The following SCN8A variants were observed in gnomAD, a reference collection of about 807,000 sequenced individuals.
The protein encoded by SCN8A is sodium channel protein type 8 subunit alpha.
SCN8A carries 30 observed loss-of-function variants against 184.1 expected under a neutral mutation model. The ratio of observed to expected loss-of-function variants is 0.16; its 90% CI spans 0.12 to 0.22. SCN8A has a LOEUF of 0.22. Ranked by LOEUF, SCN8A falls within the 10% of genes least tolerant of loss-of-function variation. The pLI is 1.00. For synonymous variants in SCN8A, 852 were observed against 907.0 expected, an observed-to-expected ratio of 0.94 and a Z score of 1.09; for missense variants, 1,057 against 2,498.9, an observed-to-expected ratio of 0.42 and a Z score of 12.30.
At chr12:51,710,053 C>A (rs1941848728) in intron 11 of SCN8A, among the ~76,000 whole-genome samples, 1 of 152,020 alleles carries the variant, frequency 6.6e-6, no homozygotes, top group Non-Finnish European at 1.5e-5. Flanking sequence ...GGGAATTAAA[C>A]ATCTTATTGA....
chr12:51,713,655 C>T, intron 11 of SCN8A: 1 of 563,028 alleles, frequency 1.8e-6, no homozygotes, highest in Non-Finnish European at 3.1e-6. Flanking sequence ...TCATCTCCGA[C>T]CTATTTCTCT....
chr12:51,630,961 T>G (rs1449203177), intron 1 of SCN8A, among the ~76,000 whole-genome samples: 3 of 152,212 alleles, frequency 2.0e-5, no homozygotes, highest in Non-Finnish European at 2.9e-5. Flanking sequence ...TACATCTCAT[T>G]GTCACACTTT....
chr12:51,755,950 C>T (rs1024442096), intron 14 of SCN8A, among the ~76,000 whole-genome samples: 2 of 152,024 alleles, frequency 1.3e-5, no homozygotes, highest in African/African-American at 4.8e-5. Flanking sequence ...TCTGGGTGCC[C>T]CCCACCCCTT....
intron 1 of SCN8A, among the ~76,000 whole-genome samples, chr12:51,646,700 A>C (rs1053487656): frequency 2.0e-5 from 3 of 152,234 alleles, no homozygotes; most frequent in Non-Finnish European, 4.4e-5. Flanking sequence ...GAGACTACAA[A>C]GGGTTTTCTG....
chr12:51,749,034 T>C (rs551232037), intron 13 of SCN8A, among the ~76,000 whole-genome samples: 24 of 152,290 alleles, frequency 1.6e-4, no homozygotes, highest in South Asian at 1.2e-3. Context: ...CCACAAACCT[T>C]TGGACATCTC....
chr12:51,706,953 G>T (rs181501348), intron 11 of SCN8A, among the ~76,000 whole-genome samples: 1 of 152,250 alleles, frequency 6.6e-6, no homozygotes, highest in Non-Finnish European at 1.5e-5. Context: ...ACGTATGAGT[G>T]AGAACATGCT....
At chr12:51,750,496 G>A (rs1244629587) in intron 13 of SCN8A, among the ~76,000 whole-genome samples, 1 of 152,146 alleles carries the variant, frequency 6.6e-6, no homozygotes, top group Non-Finnish European at 1.5e-5. Context: ...AGGTGAAAAG[G>A]GGAGAGGAGT....
intron 1 of SCN8A, among the ~76,000 whole-genome samples, chr12:51,602,399 A>T (rs1939487322): frequency 6.6e-6 from 1 of 152,210 alleles, no homozygotes; most frequent in Non-Finnish European, 1.5e-5. Context: ...TACCTAGAAT[A>T]GTCAAATTCA....
chr12:51,787,414 C>G (rs10506303), intron 22 of SCN8A, among the ~76,000 whole-genome samples: 15,834 of 152,182 alleles, frequency 0.1, 1,104 homozygotes, highest in East Asian at 0.36. Context: ...ACCAGTGTTT[C>G]AGAATGTGTG....
At chr12:51,658,881 A>G (rs1940874297) in intron 1 of SCN8A, among the ~76,000 whole-genome samples, 1 of 152,130 alleles carries the variant, frequency 6.6e-6, no homozygotes, top group African/African-American at 2.4e-5. Flanking sequence ...TGTCATTCCA[A>G]GTGTTGATGA....
At chr12:51,638,352 T>C (rs373149701) in intron 1 of SCN8A, among the ~76,000 whole-genome samples, 1 of 152,264 alleles carries the variant, frequency 6.6e-6, no homozygotes, top group East Asian at 1.9e-4. Flanking sequence ...AATAGTGATT[T>C]ATCTGATGGA....
chr12:51,768,776 G>T (rs560832293), intron 16 of SCN8A, 89 bp from the exon 17 acceptor site: 4 of 1,005,982 alleles, frequency 4.0e-6, no homozygotes, highest in Admixed American at 5.7e-5. Context: ...AGTCTGTCAC[G>T]TGAAGTCCAT....
intron 20 of SCN8A, among the ~76,000 whole-genome samples, chr12:51,777,745 A>G (rs1214192431): frequency 6.6e-6 from 1 of 152,164 alleles, no homozygotes; most frequent in African/African-American, 2.4e-5. Context: ...TTGTTATCAG[A>G]TAAGTCACCC....
At chr12:51,733,835 A>G (rs1368731989) in intron 12 of SCN8A, among the ~76,000 whole-genome samples, 2 of 152,142 alleles carry the variant, frequency 1.3e-5, no homozygotes, top group South Asian at 2.1e-4. Context: ...CACTTTCTCT[A>G]GATTTTCCAA....
chr12:51,713,485 C>T, intron 11 of SCN8A: 1 of 767,634 alleles, frequency 1.3e-6, no homozygotes, highest in Admixed American at 1.7e-5. Flanking sequence ...AAAGTTCAGA[C>T]TACCAATAAA....
rs542895116 is a variant in SCN8A at position 51,629,210 on chromosome 12, A to G, written c.-54-33554A>G. 9.8e-4 allele frequency among the ~76,000 whole-genome samples: 150 copies of G among 152,316 alleles called. 3 individuals are homozygous for G. Among genetic ancestry groups the G allele is most frequent in the African/African-American group, 3.3e-3 (136 of 41,564 alleles). ...TGTTCTCTGTCTGTCATAGCTATTG[A>G]TATGGCAGAGGCTATTTTTTCCTGG... On this transcript the variant is annotated intron_variant, in intron 1 of 26. Transcript: ENST00000627620.
chr12:51,612,065 T>C (rs1939731787), intron 1 of SCN8A, among the ~76,000 whole-genome samples: 2 of 152,194 alleles, frequency 1.3e-5, no homozygotes, highest in South Asian at 4.1e-4. Context: ...ATATCAAATG[T>C]GGGTAGCGAG....
rs200273661 is a variant in SCN8A, at chr12:51,638,225, ATGT to A, written c.-54-24535_-54-24533del. ...CTGATGGAGATATACAAGGAGATTA[ATGT>A]TGTATTCATGCCAGCTAACACAACA... On this transcript the variant is annotated intron_variant, in intron 1 of 26. Coordinates refer to ENST00000627620, the MANE Select transcript of SCN8A (RefSeq NM_001330260.2). 9.0e-3 allele frequency among the ~76,000 whole-genome samples: 1,366 copies of A among 152,332 alleles called. 26 individuals carry two copies. Among genetic ancestry groups the A allele is most frequent in the African/African-American group, 0.031 (1,283 of 41,582 alleles).
rs10783474 is a variant in SCN8A, at chr12:51,706,782, G to A, written c.1635+67G>A. ...TTTTATTAAGGTAAAATGTGTATAT[G>A]TATATTATACCATCTTTACCATTTT... On this transcript the variant is annotated intron_variant, in intron 11 of 26. Coordinates refer to ENST00000627620, the MANE Select transcript of SCN8A (RefSeq NM_001330260.2). 0.84 allele frequency: 901,663 copies of A among 1,072,580 alleles called. 384,067 individuals carry two copies. The highest frequency in any genetic ancestry group is 0.91 in the East Asian group (34,896 of 38,238). The allele number at this position is 1,072,580 out of a possible 1,614,324, so 66.4% of individuals were successfully genotyped here. A position where few individuals can be genotyped will look rare whatever the true frequency, so the allele number is the denominator to read the frequency against.
Sources: gnomAD v4.1 joint callset for allele counts (sites outside exome capture counted in the v4.1 genomes callset) on GRCh38, gnomAD v4.1.1 for gene constraint, MANE v1.5 for transcripts, NCBI Gene and HGNC (gene_info 2026-07-23, HGNC 2026-07-21) for gene names.